The following CCNY variants were observed in gnomAD, a reference collection of about 807,000 sequenced individuals.
CCNY encodes the protein cyclin-Y.
CCNY carries 19 observed loss-of-function variants against 42.8 expected under a neutral mutation model. That is an observed-to-expected ratio of 0.44 (90% CI 0.31 to 0.65). The LOEUF (loss-of-function observed/expected upper bound fraction) is 0.65. CCNY is among the 30% of genes least tolerant of loss of function. CCNY has a pLI of 0.07. For synonymous variants in CCNY, 165 were observed against 162.7 expected, an observed-to-expected ratio of 1.01 and a Z score of -0.11; for missense variants, 370 against 437.3, an observed-to-expected ratio of 0.85 and a Z score of 1.37.
chr10:35,457,076 A>T (rs1333296032), intron 1 of CCNY, among the ~76,000 whole-genome samples: 1 of 152,232 alleles, frequency 6.6e-6, no homozygotes, highest in Non-Finnish European at 1.5e-5. Flanking sequence ...CCATCCAATC[A>T]AAGTTTTGTT....
intron 7 of CCNY, among the ~76,000 whole-genome samples, chr10:35,543,789 G>A (rs1841054203): frequency 6.6e-6 from 1 of 152,146 alleles, no homozygotes; most frequent in African/African-American, 2.4e-5. Flanking sequence ...CCACTGCTTT[G>A]TGTGTATTAT....
intron 3 of CCNY, among the ~76,000 whole-genome samples, chr10:35,507,998 ACTGT>A (rs1470512932): frequency 4.6e-5 from 7 of 152,124 alleles, no homozygotes; most frequent in African/African-American, 1.7e-4. Context: ...TGGATCCTCC[ACTGT>A]CTGTTTACTC....
intron 1 of CCNY, among the ~76,000 whole-genome samples, chr10:35,346,426 G>C (rs1253123945): frequency 6.6e-6 from 1 of 152,182 alleles, no homozygotes; most frequent in Admixed American, 6.5e-5. Context: ...AGCCTGGCAA[G>C]TCACATTGGT....
rs34172154 is a variant in CCNY at position 35,406,201 on chromosome 10, TTTTATTTA to T, written c.154+69030_154+69037del. 9.3e-3 allele frequency among the ~76,000 whole-genome samples: 1,159 copies of T among 124,392 alleles called. 5 individuals carry two copies. Among genetic ancestry groups the T allele is most frequent in the African/African-American group, 0.011 (354 of 31,368 alleles). 81.6% of individuals were successfully genotyped at this position (124,392 alleles called of 152,430 possible). A position where few individuals can be genotyped will look rare whatever the true frequency, so the allele number is the denominator to read the frequency against. ...TTTTTCTTTTTTTTTTTCTTTTTTA[TTTTATTTA>T]TTTATTTATTTATTTATTTATTTAT... On this transcript the variant is annotated intron_variant, in intron 1 of 9. Transcript: ENST00000374704.
chr10:35,369,640 A>T (rs1836885524), intron 1 of CCNY, among the ~76,000 whole-genome samples: 1 of 152,192 alleles, frequency 6.6e-6, no homozygotes, highest in South Asian at 2.1e-4. Context: ...GATTTTTATT[A>T]GTGTGCTGAG....
intron 1 of CCNY, among the ~76,000 whole-genome samples, chr10:35,479,675 G>A (rs1408168708): frequency 6.6e-6 from 1 of 150,616 alleles, no homozygotes; most frequent in Non-Finnish European, 1.5e-5. Context: ...GAGTTAGTGG[G>A]TGCAGCACAC....
At chr10:35,454,947 C>G (rs1838996987) in intron 1 of CCNY, among the ~76,000 whole-genome samples, 1 of 152,188 alleles carries the variant, frequency 6.6e-6, no homozygotes, top group Non-Finnish European at 1.5e-5. Flanking sequence ...TCAGGAGGGC[C>G]TGATGAACCT....
chr10:35,477,975 G>C (rs1839557616), intron 1 of CCNY, among the ~76,000 whole-genome samples: 1 of 143,720 alleles, frequency 7.0e-6, no homozygotes, highest in African/African-American at 2.6e-5. Context: ...AAAATCACAA[G>C]CATTCCTATA....
At chr10:35,408,281 C>T (rs530028170) in intron 1 of CCNY, among the ~76,000 whole-genome samples, 1 of 152,286 alleles carries the variant, frequency 6.6e-6, no homozygotes, top group African/African-American at 2.4e-5. Flanking sequence ...TGACCTGGGT[C>T]TTCGGCACCA....
intron 1 of CCNY, among the ~76,000 whole-genome samples, chr10:35,472,484 C>T (rs1397412280): frequency 6.6e-6 from 1 of 152,150 alleles, no homozygotes; most frequent in Non-Finnish European, 1.5e-5. Flanking sequence ...ATACCTTCAA[C>T]TTAGAAGGAT....
intron 4 of CCNY, among the ~76,000 whole-genome samples, chr10:35,522,705 C>G (rs959856958): frequency 6.6e-6 from 1 of 152,184 alleles, no homozygotes; most frequent in South Asian, 2.1e-4. Flanking sequence ...TAACAGCACC[C>G]GAAGGATGAT....
intron 3 of CCNY, among the ~76,000 whole-genome samples, chr10:35,313,607 C>T (rs1332804336): frequency 6.6e-6 from 1 of 152,236 alleles, no homozygotes; most frequent in Non-Finnish European, 1.5e-5. Context: ...CCAATCTACA[C>T]AACCATCCAG....
At chr10:35,394,232 C>G (rs922089128) in intron 1 of CCNY, among the ~76,000 whole-genome samples, 1 of 152,176 alleles carries the variant, frequency 6.6e-6, no homozygotes, top group Admixed American at 6.5e-5. Flanking sequence ...TCTGATTTCT[C>G]CACTCCTAAT....
chr10:35,439,894 T>C (rs975436286), intron 1 of CCNY, among the ~76,000 whole-genome samples: 3 of 152,054 alleles, frequency 2.0e-5, no homozygotes, highest in African/African-American at 7.2e-5. Context: ...CTGGGGCTCT[T>C]TGTTATAGTT....
At chr10:35,432,363 A>G (rs1273217734) in intron 1 of CCNY, among the ~76,000 whole-genome samples, 1 of 152,240 alleles carries the variant, frequency 6.6e-6, no homozygotes, top group Non-Finnish European at 1.5e-5. Flanking sequence ...GCTGATACTC[A>G]GTAAGCACTA....
intron 1 of CCNY, among the ~76,000 whole-genome samples, chr10:35,479,780 A>G (rs922177467): frequency 2.6e-5 from 4 of 151,898 alleles, no homozygotes; most frequent in African/African-American, 9.7e-5. Context: ...AAAAAGAAAA[A>G]CATCATAGAG....
chr10:35,429,540 T>C (rs1838339318), intron 1 of CCNY, among the ~76,000 whole-genome samples: 1 of 152,192 alleles, frequency 6.6e-6, no homozygotes, highest in Admixed American at 6.5e-5. Context: ...CTAGGGTTTG[T>C]GATAGTAGGC....
chr10:35,403,769 G>A (rs957315181), intron 1 of CCNY, among the ~76,000 whole-genome samples: 1 of 152,224 alleles, frequency 6.6e-6, no homozygotes, highest in Non-Finnish European at 1.5e-5. Flanking sequence ...TCGGCTTGCT[G>A]AGAGATAGTG....
At chr10:35,356,031 C>G (rs1045747670) in intron 1 of CCNY, among the ~76,000 whole-genome samples, 1 of 152,054 alleles carries the variant, frequency 6.6e-6, no homozygotes. Context: ...CAATAGATGA[C>G]AAAGATGCAG....
Sources: gnomAD v4.1 joint callset for allele counts (sites outside exome capture counted in the v4.1 genomes callset) on GRCh38, gnomAD v4.1.1 for gene constraint, MANE v1.5 for transcripts, NCBI Gene and HGNC (gene_info 2026-07-23, HGNC 2026-07-21) for gene names.